The following PPP2R2A variants were observed in gnomAD, a reference collection of about 807,000 sequenced individuals.
The protein encoded by PPP2R2A is protein phosphatase 2 regulatory subunit Balpha, also known as serine/threonine-protein phosphatase 2A 55 kDa regulatory subunit B alpha isoform.
Under a neutral mutation model 53.2 loss-of-function variants are expected in PPP2R2A, and 9 were observed. The ratio of observed to expected loss-of-function variants is 0.17; its 90% CI spans 0.10 to 0.30. The LOEUF (loss-of-function observed/expected upper bound fraction) is 0.30. Ranked by LOEUF, PPP2R2A falls within the 10% of genes least tolerant of loss-of-function variation. PPP2R2A has a pLI of 1.00. For missense variants in PPP2R2A, 235 were observed against 534.6 expected (o/e 0.44, Z 5.53); for synonymous variants, 169 against 174.2 (o/e 0.97, Z 0.23).
chr8:26,347,158 G>A (rs916167666), intron 3 of PPP2R2A, among the ~76,000 whole-genome samples: 6 of 151,766 alleles, frequency 4.0e-5, no homozygotes, highest in African/African-American at 1.5e-4. Context: ...AGAGACACAA[G>A]TAGTAAAATG....
intron 2 of PPP2R2A, among the ~76,000 whole-genome samples, chr8:26,298,126 A>C (rs1018717416): frequency 1.3e-5 from 2 of 152,264 alleles, no homozygotes; most frequent in African/African-American, 4.8e-5. Flanking sequence ...CTTGTGGGCT[A>C]TCTTGACTGG....
intron 2 of PPP2R2A, among the ~76,000 whole-genome samples, chr8:26,296,632 G>A (rs1801550781): frequency 6.6e-6 from 1 of 152,190 alleles, no homozygotes; most frequent in African/African-American, 2.4e-5. Flanking sequence ...TTTAGTGTAG[G>A]ACTGATTTAT....
intron 4 of PPP2R2A, among the ~76,000 whole-genome samples, chr8:26,358,693 T>C (rs1163201544): frequency 6.6e-6 from 1 of 152,202 alleles, no homozygotes; most frequent in Non-Finnish European, 1.5e-5. Flanking sequence ...ACCATTTTGC[T>C]TATGAAAGAT....
chr8:26,362,927 T>C lies in PPP2R2A; in HGVS notation c.802+79T>C. The stretch of plus-strand genomic sequence containing the variant: ...TAAGCCTCAGACATGATAAGTACAA[T>C]TACAGAGGTTCAAAGTCTTAAACCC... On this transcript the variant is annotated intron_variant, in intron 7 of 9. Transcript: ENST00000380737. The surrounding 1 kb of genome is among the most constrained non-coding windows in gnomAD (Gnocchi z 4.4). The C allele has an allele frequency of 2.9e-6, 4 of 1,384,364 alleles. No individual in the cohort carries two copies. The highest frequency in any genetic ancestry group is 4.0e-6 in the Non-Finnish European group (4 of 1,004,730). The allele number at this position is 1,384,364 out of a possible 1,614,324, so 85.8% of individuals were successfully genotyped here. A position where few individuals can be genotyped will look rare whatever the true frequency, so the allele number is the denominator to read the frequency against.
intron 9 of PPP2R2A, among the ~76,000 whole-genome samples, chr8:26,368,118 C>T (rs749962632): frequency 3.9e-5 from 6 of 152,160 alleles, no homozygotes; most frequent in African/African-American, 1.2e-4. Context: ...ATTAAAACCA[C>T]GCAAACTCAG....
chr8:26,369,962 T>G (rs1295666320), intron 9 of PPP2R2A, among the ~76,000 whole-genome samples, 172 bp from the exon 10 acceptor site: 1 of 152,228 alleles, frequency 6.6e-6, no homozygotes, highest in Non-Finnish European at 1.5e-5. Flanking sequence ...CCCAGTTAAT[T>G]AGTACCGTAT....
intron 2 of PPP2R2A, among the ~76,000 whole-genome samples, chr8:26,314,315 C>T (rs1044551722): frequency 6.6e-6 from 1 of 152,174 alleles, no homozygotes; most frequent in Non-Finnish European, 1.5e-5. Flanking sequence ...CCCTCCAACC[C>T]GCGTGCTTCA....
At chr8:26,312,618 C>G (rs1416474377) in intron 2 of PPP2R2A, among the ~76,000 whole-genome samples, 1 of 152,174 alleles carries the variant, frequency 6.6e-6, no homozygotes, top group African/African-American at 2.4e-5. Context: ...CTTAAAAGAG[C>G]AGATTGCATC....
chr8:26,291,743 C>G lies in PPP2R2A; in HGVS notation c.-77C>G, dbSNP rs565549321. 3.2e-5 allele frequency: 49 copies of G among 1,512,080 alleles called. No homozygotes were observed. The East Asian group carries it at 9.1e-4, about 28-fold the overall frequency. 93.7% of individuals were successfully genotyped at this position (1,512,080 alleles called of 1,614,324 possible). ...CCGCCATCCGCCCTCTCTACCCCCCCATCCCCAGGTGAGGGGGGTGAGTTC... is the reference window on the plus strand; with the variant it reads ...CCGCCATCCGCCCTCTCTACCCCCCGATCCCCAGGTGAGGGGGGTGAGTTC... On this transcript the variant is annotated 5_prime_UTR_variant, in exon 1 of 10. Transcript: ENST00000380737.
chr8:26,333,870 T>TCTTAG (rs1803512115), intron 2 of PPP2R2A, among the ~76,000 whole-genome samples: 1 of 152,142 alleles, frequency 6.6e-6, no homozygotes, highest in African/African-American at 2.4e-5. Flanking sequence ...TTTCACCTTC[T>TCTTAG]AAGAGTGAAA....
At chr8:26,349,167 A>C (rs1303488622) in intron 3 of PPP2R2A, among the ~76,000 whole-genome samples, 3 of 152,174 alleles carry the variant, frequency 2.0e-5, no homozygotes, top group Non-Finnish European at 2.9e-5. Flanking sequence ...AACAATGGTC[A>C]TTATCACATT....
chr8:26,369,173 G>C (rs1805539183), intron 9 of PPP2R2A, among the ~76,000 whole-genome samples: 1 of 151,934 alleles, frequency 6.6e-6, no homozygotes. Flanking sequence ...CTCAGGAGCA[G>C]ATTATAACAT....
intron 4 of PPP2R2A, among the ~76,000 whole-genome samples, chr8:26,359,530 A>G (rs940230571): frequency 2.0e-5 from 3 of 152,308 alleles, no homozygotes; most frequent in East Asian, 3.9e-4. Context: ...GCCATTTTAT[A>G]TATCCTTGAT....
At chr8:26,326,756 G>A (rs926298297) in intron 2 of PPP2R2A, among the ~76,000 whole-genome samples, 3 of 152,204 alleles carry the variant, frequency 2.0e-5, no homozygotes, top group African/African-American at 7.2e-5. Context: ...GTTTGCTTTT[G>A]TGAAGTTAAT....
intron 3 of PPP2R2A, among the ~76,000 whole-genome samples, chr8:26,344,993 A>G (rs920162386): frequency 1.3e-5 from 2 of 152,228 alleles, no homozygotes; most frequent in Non-Finnish European, 2.9e-5. Flanking sequence ...CCTTATACAT[A>G]TGACCTGAAG....
At chr8:26,326,033 C>T (rs937799637) in intron 2 of PPP2R2A, among the ~76,000 whole-genome samples, 7 of 152,112 alleles carry the variant, frequency 4.6e-5, no homozygotes, top group African/African-American at 1.4e-4. Flanking sequence ...GACGGGTTTT[C>T]GCCATGTTGC....
chr8:26,296,717 G>C (rs557873959), intron 2 of PPP2R2A, among the ~76,000 whole-genome samples: 1 of 152,280 alleles, frequency 6.6e-6, no homozygotes, highest in African/African-American at 2.4e-5. Flanking sequence ...ATATTTGTTT[G>C]AATGAAGGAA....
At position 26,370,100 on chromosome 8, in the gene PPP2R2A, C is replaced by T. The variant is rs777438635; in HGVS notation, c.1065-34C>T. On this transcript the variant is annotated intron_variant, in intron 9 of 9. Coordinates refer to ENST00000380737, the MANE Select transcript of PPP2R2A (RefSeq NM_002717.4). This position sits in a 1 kb window ranked among gnomAD's most constrained non-coding sequence, Gnocchi z 6.1. ...TACTTGAAAACAATTTCTTGTTCTG[C>T]TTGTTTGACTGAGTGTACTGTCTAT... The T allele has an allele frequency of 3.8e-6, 6 of 1,580,764 alleles. No homozygotes were observed. Among genetic ancestry groups the T allele is most frequent in the Admixed American group, 3.5e-5 (2 of 56,744 alleles).
At chr8:26,366,190 T>G (rs1805364628) in intron 8 of PPP2R2A, 125 bp from the exon 9 acceptor site, 69 of 699,288 alleles carry the variant, frequency 9.9e-5, no homozygotes, top group Non-Finnish European at 1.4e-4. Flanking sequence ...CTGAGAAGAT[T>G]GAGATTAATA....
Sources: gnomAD v4.1 joint callset for allele counts (sites outside exome capture counted in the v4.1 genomes callset) on GRCh38, gnomAD v4.1.1 for gene constraint, Gnocchi (gnomAD v3.1) non-coding constraint, MANE v1.5 for transcripts, NCBI Gene and HGNC (gene_info 2026-07-23, HGNC 2026-07-21) for gene names.